The following UBE2Q2 variants were observed in gnomAD, a reference collection of about 807,000 sequenced individuals.
UBE2Q2 encodes ubiquitin-conjugating enzyme E2 Q2.
A neutral mutation model predicts 59.9 loss-of-function variants in UBE2Q2; 54 were observed. The ratio of observed to expected loss-of-function variants is 0.90; its 90% CI spans 0.72 to 1.13. The LOEUF is 1.13. Among genes scored for constraint, UBE2Q2 ranks in the 50% most tolerant of loss-of-function variants. The pLI is 0.00. For missense variants in UBE2Q2, 433 were observed against 441.9 expected (o/e 0.98, Z 0.18); for synonymous variants, 165 against 155.2 (o/e 1.06, Z -0.47).
chr15:75,856,293 A>ATATATATATATATATATATATAT (rs1896913041), intron 2 of UBE2Q2, among the ~76,000 whole-genome samples: 1 of 139,124 alleles, frequency 7.2e-6, no homozygotes, highest in African/African-American at 2.8e-5. Flanking sequence ...ATATATATAT[A>ATATATATATATATATATATATAT]ATGAATTTCA....
At chr15:75,897,093 T>A in intron 12 of UBE2Q2, 32 bp downstream of exon 12, 1 of 1,370,710 alleles carries the variant, frequency 7.3e-7, no homozygotes, top group Non-Finnish European at 1.0e-6. Flanking sequence ...TTTATTGCCA[T>A]TTAAGAAGTT....
intron 3 of UBE2Q2, among the ~76,000 whole-genome samples, chr15:75,861,322 G>A (rs1051135279): frequency 3.9e-5 from 6 of 152,188 alleles, no homozygotes; most frequent in African/African-American, 4.8e-5. Context: ...CTAACCAGTC[G>A]TGGTGGTGAA....
chr15:75,861,982 G>T (rs986909897), intron 3 of UBE2Q2, among the ~76,000 whole-genome samples: 4 of 152,158 alleles, frequency 2.6e-5, no homozygotes, highest in African/African-American at 4.8e-5. Context: ...CTTTCTCTCT[G>T]CATAGCGTCT....
At chr15:75,843,912 G>C in intron 1 of UBE2Q2, 66 bp downstream of exon 1, 1 of 1,467,876 alleles carries the variant, frequency 6.8e-7, no homozygotes. Context: ...TCGAGTCCCG[G>C]GACAAAGGGG....
intron 11 of UBE2Q2, among the ~76,000 whole-genome samples, chr15:75,891,673 A>C (rs937436954): frequency 1.3e-5 from 2 of 152,198 alleles, no homozygotes; most frequent in Admixed American, 6.5e-5. Context: ...AGGCCCAACC[A>C]AGAGGAGCTG....
intron 2 of UBE2Q2, among the ~76,000 whole-genome samples, chr15:75,855,351 C>A (rs181438530): frequency 6.6e-6 from 1 of 152,104 alleles, no homozygotes; most frequent in African/African-American, 2.4e-5. Flanking sequence ...ATTAACTGGG[C>A]ATGGTGGCGC....
intron 11 of UBE2Q2, among the ~76,000 whole-genome samples, chr15:75,892,625 C>T (rs894455525): frequency 6.6e-5 from 10 of 151,944 alleles, no homozygotes; most frequent in South Asian, 2.1e-4. Context: ...TTTGGGAGGC[C>T]GAGGCAGGAG....
Position 75,879,099 on chromosome 15 carries a change from G to T in UBE2Q2, c.736G>T (p.Val246Phe). The T allele has an allele frequency of 6.4e-7, 1 of 1,559,984 alleles. No homozygotes were observed. The highest frequency in any genetic ancestry group is 8.6e-7 in the Non-Finnish European group (1 of 1,157,256). The change falls in exon 8 of 13, where the codon GTT becomes TTT. Residue 246 changes from valine (V) to phenylalanine (F), a missense_variant and splice_region_variant. By Grantham distance (50) the Val-to-Phe change is conservative. Coordinates refer to ENST00000267938, the MANE Select transcript of UBE2Q2 (RefSeq NM_173469.4). Reference protein sequence around the residue: ...LYDWHVKLQKVDPDSPLHSDL... With the variant: ...LYDWHVKLQKFDPDSPLHSDL... Reference sequence around the variant, plus strand: ...TGTTTTTTGTTTTGTAATTCTTAGGGTTGACCCTGATAGTCCTTTGCACAG... The same window carrying T: ...TGTTTTTTGTTTTGTAATTCTTAGGTTTGACCCTGATAGTCCTTTGCACAG...
chr15:75,870,789 A>G (rs1897743791), intron 4 of UBE2Q2, among the ~76,000 whole-genome samples: 1 of 152,226 alleles, frequency 6.6e-6, no homozygotes, highest in Non-Finnish European at 1.5e-5. Flanking sequence ...AAGATTGGCT[A>G]GAAAAGGCAG....
intron 3 of UBE2Q2, among the ~76,000 whole-genome samples, chr15:75,861,881 G>A (rs1223903809): frequency 6.6e-6 from 1 of 152,178 alleles, no homozygotes; most frequent in Non-Finnish European, 1.5e-5. Flanking sequence ...ACGGTGGCAG[G>A]GACTGGTCAT....
rs759277244 is a variant in UBE2Q2, at chr15:75,859,904, A to G, written c.309A>G (p.Ile103Met). Reference protein sequence around the residue: ...NLLRQQLKWLICELCSLYNLP... With the variant: ...NLLRQQLKWLMCELCSLYNLP... ...TTCGTCAGCAATTGAAGTGGTTGATATGTGAACTCTGCAGTTTATATAACC... is the reference window on the plus strand; with the variant it reads ...TTCGTCAGCAATTGAAGTGGTTGATGTGTGAACTCTGCAGTTTATATAACC... Residue 103 changes from isoleucine (I) to methionine (M), a missense_variant, in exon 3 of 13, where the codon ATA (isoleucine) becomes ATG (methionine). By Grantham distance (10) the Ile-to-Met change is conservative. Transcript: ENST00000267938. 8.3e-5 allele frequency: 133 copies of G among 1,600,920 alleles called. No homozygotes were observed. The highest frequency in any genetic ancestry group is 1.1e-4 in the Non-Finnish European group (129 of 1,176,526).
At chr15:75,864,815 T>C (rs1029582482) in intron 3 of UBE2Q2, among the ~76,000 whole-genome samples, 10 of 152,200 alleles carry the variant, frequency 6.6e-5, no homozygotes, top group Admixed American at 2.6e-4. Flanking sequence ...TTTGCTTATG[T>C]CTTAATTATT....
chr15:75,851,816 A>G (rs1896648060), intron 1 of UBE2Q2, among the ~76,000 whole-genome samples: 1 of 152,220 alleles, frequency 6.6e-6, no homozygotes, highest in South Asian at 2.1e-4. Flanking sequence ...CACTTGAAAT[A>G]TTAAAAAGAC....
chr15:75,857,615 C>T (rs1896985171), intron 2 of UBE2Q2, among the ~76,000 whole-genome samples: 1 of 152,136 alleles, frequency 6.6e-6, no homozygotes. Flanking sequence ...TCTTAGTCCC[C>T]AAATTGACCC....
intron 1 of UBE2Q2, among the ~76,000 whole-genome samples, chr15:75,848,708 T>C (rs753455472): frequency 6.6e-6 from 1 of 151,826 alleles, no homozygotes; most frequent in East Asian, 1.9e-4. Context: ...TGGAAAAGGG[T>C]AGTATTTGAT....
At chr15:75,869,429 G>T (rs1412466751) in intron 4 of UBE2Q2, among the ~76,000 whole-genome samples, 3 of 152,310 alleles carry the variant, frequency 2.0e-5, no homozygotes, top group African/African-American at 4.8e-5. Context: ...AATCATCAAA[G>T]AATTTTGTCT....
At chr15:75,844,075 T>G in intron 1 of UBE2Q2, 1 of 1,412,852 alleles carries the variant, frequency 7.1e-7, no homozygotes, top group Non-Finnish European at 9.2e-7. Flanking sequence ...AGGGGCTGGC[T>G]TGGGGGCTTC....
intron 9 of UBE2Q2, among the ~76,000 whole-genome samples, chr15:75,888,851 ACT>A (rs1157788248): frequency 1.3e-5 from 2 of 152,036 alleles, no homozygotes; most frequent in African/African-American, 4.8e-5. Context: ...ACCTCTTAAG[ACT>A]CTGCATCCTC....
intron 5 of UBE2Q2, among the ~76,000 whole-genome samples, chr15:75,873,954 G>T (rs1018155223): frequency 2.6e-5 from 4 of 151,908 alleles, no homozygotes; most frequent in African/African-American, 9.7e-5. Flanking sequence ...CTTGGCCTCC[G>T]AAACTACTGG....
Sources: allele counts gnomAD v4.1 joint callset (sites outside exome capture counted in the v4.1 genomes callset), GRCh38; gene constraint gnomAD v4.1.1; transcripts MANE v1.5; gene names NCBI Gene and HGNC (gene_info 2026-07-23, HGNC 2026-07-21).